The following AIM2 variants were observed in gnomAD, a reference collection of about 807,000 sequenced individuals.
The protein encoded by AIM2 is interferon-inducible protein AIM2.
AIM2 carries 30 observed loss-of-function variants against 27.7 expected under a neutral mutation model. The observed-to-expected ratio is 1.08, with a 90% CI of 0.81 to 1.47. The LOEUF (loss-of-function observed/expected upper bound fraction) is 1.47. AIM2 is among the 40% of genes most tolerant of loss of function. The probability of loss-of-function intolerance (pLI) is 0.00; values close to 1 mark genes in which losing one functional copy is unlikely to be tolerated. For missense variants in AIM2, 358 were observed against 411.3 expected, an observed-to-expected ratio of 0.87 and a Z score of 1.12; for synonymous variants, 141 against 145.3, an observed-to-expected ratio of 0.97 and a Z score of 0.21.
chr1:159,062,578 C>G lies in AIM2; in HGVS notation c.*114G>C. On this transcript the variant is annotated 3_prime_UTR_variant, in exon 6 of 6. Transcript: ENST00000368130. ...TATCCTAATTTGGTGGAGAGAGGAG[C>G]CTGTGAACTGCAGCTTTCAGGTAAC... The G allele has an allele frequency of 3.2e-6, 3 of 936,126 alleles. No individual in the cohort carries two copies. The East Asian group carries it at 7.4e-5, about 23-fold the overall frequency. 58.0% of individuals were successfully genotyped at this position (936,126 alleles called of 1,614,324 possible). A position where few individuals can be genotyped will look rare whatever the true frequency, so the allele number is the denominator to read the frequency against.
chr1:159,116,042 C>T (rs1647338529), intron 1 of AIM2, among the ~76,000 whole-genome samples: 1 of 152,114 alleles, frequency 6.6e-6, no homozygotes, highest in African/African-American at 2.4e-5. Context: ...AGACACTTCT[C>T]AAAAGAAGAC....
In AIM2 at chr1:159,063,566, T is replaced by C. The variant is rs1230912474; in HGVS notation, c.925A>G (p.Lys309Glu). Residue 309 changes from lysine (K) to glutamate (E), a missense_variant, in exon 5 of 6, where the codon AAG (lysine) becomes GAG (glutamate). By Grantham distance (56) the Lys-to-Glu change is moderately conservative (BLOSUM62 1). Transcript: ENST00000368130. ...EDTMKCKEGD[K>E]VRLTFFTLSK... ...AGTGTGAAGAATGTAAGTCGAACCT[T>C]ATCTCCTTCCTTACATTTCATTGTG... is the stretch of plus-strand genomic sequence containing the variant. The C allele has an allele frequency of 1.9e-6, 3 of 1,614,194 alleles. No individual in the cohort carries two copies. The highest frequency in any genetic ancestry group is 2.5e-6 in the Non-Finnish European group (3 of 1,180,020).
chr1:159,092,678 G>A (rs1657073996), intron 1 of AIM2, among the ~76,000 whole-genome samples: 1 of 152,190 alleles, frequency 6.6e-6, no homozygotes, highest in Non-Finnish European at 1.5e-5. Flanking sequence ...GCAGAGGAAA[G>A]AGGATAGGTT....
intron 1 of AIM2, among the ~76,000 whole-genome samples, chr1:159,100,706 G>A (rs1175389862): frequency 6.6e-6 from 1 of 152,208 alleles, no homozygotes; most frequent in Non-Finnish European, 1.5e-5. Flanking sequence ...TTAGTGAAGA[G>A]GAAGCTAAAG....
At chr1:159,094,456 A>G (rs2814765) in intron 1 of AIM2, among the ~76,000 whole-genome samples, 135,079 of 152,200 alleles carry the variant, frequency 0.89, 61,801 homozygotes, top group East Asian at 1. Flanking sequence ...CAGCACTTTG[A>G]GAGGCCGAGG....
At chr1:159,069,856 T>G (rs1390461493) in intron 2 of AIM2, among the ~76,000 whole-genome samples, 1 of 152,142 alleles carries the variant, frequency 6.6e-6, no homozygotes, top group East Asian at 1.9e-4. Flanking sequence ...GATTTCTAAT[T>G]ATGTTCTACA....
intron 1 of AIM2, among the ~76,000 whole-genome samples, chr1:159,127,178 C>T (rs1350056922): frequency 6.6e-6 from 1 of 152,116 alleles, no homozygotes; most frequent in East Asian, 1.9e-4. Flanking sequence ...TAGTGATGTT[C>T]TCATTTTAAG....
At chr1:159,141,778 G>T (rs528397873), upstream of AIM2, among the ~76,000 whole-genome samples, 16 of 152,138 alleles carry the variant, frequency 1.1e-4, 1 homozygote, top group Middle Eastern at 0.017. Flanking sequence ...TGAGCGGTGG[G>T]GGGGGACAGG....
chr1:159,063,641 G>A lies in AIM2; in HGVS notation c.850C>T (p.Leu284=). ...TCCATTTTCCCAGTGTTGTCACTTA[G>A]GTCAAATAATATGTTTTTCTTCTTT... ...TEKKKNILFD[L]SDNTGKMEVL... Residue 284 remains leucine, a synonymous_variant, in exon 5 of 6, where the codon CTA becomes TTA. Transcript: ENST00000368130. 1 of 1,612,998 alleles carries A rather than the reference G, an allele frequency of 6.2e-7. No homozygotes were observed. The highest frequency in any genetic ancestry group is 1.1e-5 in the South Asian group (1 of 90,752).
At chr1:159,068,074 T>A (rs905582625) in intron 3 of AIM2, among the ~76,000 whole-genome samples, 2 of 152,094 alleles carry the variant, frequency 1.3e-5, no homozygotes, top group African/African-American at 4.8e-5. Context: ...GTCTCTGAAT[T>A]GGATCTCTGA....
At chr1:159,133,461 CTCTTCATG>C (rs552755474) in intron 1 of AIM2, among the ~76,000 whole-genome samples, 2 of 152,184 alleles carry the variant, frequency 1.3e-5, no homozygotes, top group Non-Finnish European at 2.9e-5. Flanking sequence ...TCACCACCCT[CTCTTCATG>C]TCTTCATGCC....
At chr1:159,117,626 T>C (rs938791147) in intron 1 of AIM2, among the ~76,000 whole-genome samples, 4 of 152,090 alleles carry the variant, frequency 2.6e-5, no homozygotes, top group African/African-American at 9.7e-5. Context: ...AGAGCAATCA[T>C]TCAGGCTCAG....
At chr1:159,105,249 C>A (rs572807937) in intron 1 of AIM2, among the ~76,000 whole-genome samples, 1 of 152,224 alleles carries the variant, frequency 6.6e-6, no homozygotes, top group African/African-American at 2.4e-5. Context: ...CTGGACCAGA[C>A]GTACTGCAAC....
intron 1 of AIM2, among the ~76,000 whole-genome samples, chr1:159,087,956 GT>G (rs1406194458): frequency 8.5e-5 from 13 of 152,112 alleles, no homozygotes; most frequent in South Asian, 2.1e-4. Context: ...TGATCCCTAA[GT>G]TTTTTTGCAT....
intron 1 of AIM2, among the ~76,000 whole-genome samples, chr1:159,111,266 G>A (rs1206813406): frequency 1.3e-5 from 2 of 152,204 alleles, no homozygotes; most frequent in African/African-American, 4.8e-5. Context: ...CCTTTGGAAA[G>A]TGCTGGGTAT....
chr1:159,133,440 T>C (rs1430287170), intron 1 of AIM2, among the ~76,000 whole-genome samples: 1 of 152,214 alleles, frequency 6.6e-6, no homozygotes, highest in Non-Finnish European at 1.5e-5. Context: ...GTTTGACTCC[T>C]CATAGCTTCC....
At chr1:159,138,538 G>A (rs914710019) in intron 1 of AIM2, among the ~76,000 whole-genome samples, 30 of 152,064 alleles carry the variant, frequency 2.0e-4, no homozygotes, top group African/African-American at 6.8e-4. Flanking sequence ...TCTGTCATTT[G>A]TCTTCATCAT....
upstream of AIM2, among the ~76,000 whole-genome samples, chr1:159,141,409 T>G (rs1436688277): frequency 6.6e-6 from 1 of 152,114 alleles, no homozygotes; most frequent in East Asian, 1.9e-4. Flanking sequence ...AGCAGACATC[T>G]GAGCCTCTAC....
intron 3 of AIM2, among the ~76,000 whole-genome samples, 182 bp from the exon 4 acceptor site, chr1:159,066,511 G>A (rs1398178779): frequency 6.6e-6 from 1 of 152,208 alleles, no homozygotes; most frequent in East Asian, 1.9e-4. Context: ...AACAGAGAGT[G>A]CAGAAGGAAG....
Sources: gnomAD v4.1 joint callset for allele counts (sites outside exome capture counted in the v4.1 genomes callset) on GRCh38, gnomAD v4.1.1 for gene constraint, MANE v1.5 for transcripts, NCBI Gene and HGNC (gene_info 2026-07-23, HGNC 2026-07-21) for gene names.